Variants in CLVS1 observed in about 807,000 individuals in gnomAD.
CLVS1 encodes clavesin 1.
In CLVS1, 10 loss-of-function variants were observed where a neutral mutation model predicts 33.1. The ratio of observed to expected loss-of-function variants is 0.30; its 90% CI spans 0.19 to 0.51. The LOEUF (loss-of-function observed/expected upper bound fraction) is 0.51, where lower values mean the gene tolerates loss of function less well. Ranked by LOEUF, CLVS1 falls within the 20% of genes least tolerant of loss-of-function variation. The pLI is 0.97. For synonymous variants in CLVS1, 163 were observed against 166.1 expected (o/e 0.98, Z 0.14); for missense variants, 343 against 433.4 (o/e 0.79, Z 1.85).
intron 5 of CLVS1, among the ~76,000 whole-genome samples, chr8:61,462,397 T>A (rs1312523083): frequency 6.6e-6 from 1 of 152,222 alleles, no homozygotes; most frequent in Admixed American, 6.5e-5. Flanking sequence ...TTGTTTTGTT[T>A]TTTTGAGACT....
chr8:61,064,812 T>C (rs1446424474), intron 1 of CLVS1, among the ~76,000 whole-genome samples: 1 of 150,754 alleles, frequency 6.6e-6, no homozygotes, highest in Non-Finnish European at 1.5e-5. Context: ...CACCATTCTC[T>C]TGCCTCAGCC....
At chr8:61,065,451 A>C (rs1182628877) in intron 1 of CLVS1, among the ~76,000 whole-genome samples, 1 of 152,170 alleles carries the variant, frequency 6.6e-6, no homozygotes, top group Non-Finnish European at 1.5e-5. Context: ...GGGCACAAAT[A>C]AAGGTTTCTG....
intron 5 of CLVS1, among the ~76,000 whole-genome samples, chr8:61,488,953 A>G (rs959441237): frequency 2.6e-5 from 4 of 151,612 alleles, no homozygotes; most frequent in East Asian, 3.9e-4. Context: ...CCCTTTCTCT[A>G]CTCTCATCAA....
chr8:61,382,905 G>T (rs1055628366), intron 3 of CLVS1, among the ~76,000 whole-genome samples: 3 of 152,162 alleles, frequency 2.0e-5, no homozygotes, highest in Non-Finnish European at 4.4e-5. Flanking sequence ...GTGAAATGTG[G>T]TGTCAGTACC....
chr8:61,092,689 CT>C (rs1456980484), intron 1 of CLVS1, among the ~76,000 whole-genome samples: 1 of 152,196 alleles, frequency 6.6e-6, no homozygotes, highest in African/African-American at 2.4e-5. Context: ...GAGACGGATT[CT>C]TCTGACTCCT....
chr8:61,501,529 C>T lies in CLVS1; in HGVS notation c.*1987C>T, dbSNP rs912848529. The T allele has an allele frequency of 6.6e-6, 1 of 152,114 alleles. No individual in the cohort carries two copies. Among genetic ancestry groups the T allele is most frequent in the African/African-American group, 2.4e-5 (1 of 41,422 alleles). The allele number at this position is 152,114 out of a possible 1,614,324, so 9.4% of individuals were successfully genotyped here. On this transcript the variant is annotated 3_prime_UTR_variant, in exon 6 of 6. Transcript: ENST00000325897. The stretch of plus-strand genomic sequence containing the variant: ...TGTGTATGCAATATACATATGAGAA[C>T]CAAATTCAACAAGTGACATGAATGT...
chr8:61,027,225 GGCTCACACT>G, the CLVS1 span, among the ~76,000 whole-genome samples: 30 of 152,214 alleles, frequency 2.0e-4, no homozygotes, highest in Middle Eastern at 0.01. Context: ...ATCTTGAGGA[GGCTCACACT>G]GTCTTCCTGA....
chr8:61,044,876 A>G, the CLVS1 span, among the ~76,000 whole-genome samples: 1 of 152,204 alleles, frequency 6.6e-6, no homozygotes, highest in African/African-American at 2.4e-5. Context: ...AAAATTTTGG[A>G]GAAGAGTTAT....
intron 3 of CLVS1, among the ~76,000 whole-genome samples, chr8:61,395,352 T>G (rs1392623634): frequency 6.6e-6 from 1 of 152,146 alleles, no homozygotes; most frequent in Non-Finnish European, 1.5e-5. Context: ...GTACAAAGTT[T>G]CAGCTAGACT....
upstream of CLVS1, among the ~76,000 whole-genome samples, chr8:61,284,506 G>T (rs572487504): frequency 6.6e-6 from 1 of 152,258 alleles, no homozygotes; most frequent in African/African-American, 2.4e-5. Flanking sequence ...CAACTATTAT[G>T]TGTCAATCAT....
the CLVS1 span, among the ~76,000 whole-genome samples, chr8:61,025,325 G>T: frequency 6.6e-6 from 1 of 152,188 alleles, no homozygotes; most frequent in Non-Finnish European, 1.5e-5. Context: ...TATTTATTTT[G>T]CATGTGTTAG....
chr8:60,977,950 T>C, the CLVS1 span, among the ~76,000 whole-genome samples: 1 of 152,192 alleles, frequency 6.6e-6, no homozygotes, highest in Non-Finnish European at 1.5e-5. Flanking sequence ...GAATTTGCAA[T>C]AAGATTAACA....
intron 2 of CLVS1, among the ~76,000 whole-genome samples, chr8:61,357,446 G>C (rs1222261897): frequency 1.1e-5 from 1 of 92,722 alleles, no homozygotes; most frequent in African/African-American, 3.9e-5. Context: ...CAACTTTTCT[G>C]TTTGCCAGGA....
intron 2 of CLVS1, among the ~76,000 whole-genome samples, chr8:61,235,128 C>T (rs910692975): frequency 6.6e-6 from 1 of 151,802 alleles, no homozygotes; most frequent in Non-Finnish European, 1.5e-5. Context: ...GAGAGAGCAT[C>T]TCAATGACTC....
the CLVS1 span, among the ~76,000 whole-genome samples, chr8:60,991,116 T>C: frequency 2.0e-5 from 3 of 152,148 alleles, no homozygotes; most frequent in East Asian, 1.9e-4. Flanking sequence ...AAGACCTACA[T>C]TGGTGAAAAG....
chr8:61,215,052 CT>C (rs1395081271), intron 2 of CLVS1, among the ~76,000 whole-genome samples: 1 of 151,976 alleles, frequency 6.6e-6, no homozygotes, highest in Admixed American at 6.6e-5. Context: ...TTTCAAGTGC[CT>C]TTTATTATTT....
At chr8:61,202,424 C>T in intron 2 of CLVS1, 1 of 773,564 alleles carries the variant, frequency 1.3e-6, no homozygotes, top group South Asian at 1.4e-5. Flanking sequence ...GAACTAAAGG[C>T]TGACAAAGAT....
At chr8:61,066,889 T>G (rs527262775) in intron 1 of CLVS1, among the ~76,000 whole-genome samples, 1 of 152,220 alleles carries the variant, frequency 6.6e-6, no homozygotes, top group African/African-American at 2.4e-5. Flanking sequence ...CTGTAGTTTT[T>G]CTGCAAAAGC....
At chr8:61,169,482 T>C (rs181044349) in intron 2 of CLVS1, among the ~76,000 whole-genome samples, 72 of 152,330 alleles carry the variant, frequency 4.7e-4, no homozygotes, top group Middle Eastern at 3.4e-3. Context: ...AGTCATTGTC[T>C]GTGCTCAGAC....
Sources: gnomAD v4.1 joint callset for allele counts (sites outside exome capture counted in the v4.1 genomes callset) on GRCh38, gnomAD v4.1.1 for gene constraint, MANE v1.5 for transcripts, NCBI Gene and HGNC (gene_info 2026-07-23, HGNC 2026-07-21) for gene names.